Variants in CD200 observed in about 807,000 individuals in gnomAD.
CD200 encodes CD200 molecule, also known as OX-2 membrane glycoprotein.
In CD200, 15 loss-of-function variants were observed where a neutral mutation model predicts 30.9. That is an observed-to-expected ratio of 0.49 (90% confidence interval 0.32 to 0.75). CD200 has a LOEUF of 0.75. Ranked by LOEUF, CD200 falls within the 30% of genes least tolerant of loss-of-function variation. The probability of loss-of-function intolerance (pLI) is 0.03; values close to 1 mark genes in which losing one functional copy is unlikely to be tolerated. For synonymous variants in CD200, 134 were observed against 126.2 expected, an observed-to-expected ratio of 1.06 and a Z score of -0.41; for missense variants, 262 against 324.2, an observed-to-expected ratio of 0.81 and a Z score of 1.47.
intron 4 of CD200, among the ~76,000 whole-genome samples, chr3:112,348,732 C>G (rs536436721): frequency 1.3e-5 from 2 of 152,138 alleles, no homozygotes; most frequent in Admixed American, 1.3e-4. Context: ...CCCTGAAAAC[C>G]CAGACTAATC....
At chr3:112,335,119 G>A (rs1024393077) in intron 1 of CD200, among the ~76,000 whole-genome samples, 3 of 152,138 alleles carry the variant, frequency 2.0e-5, no homozygotes, top group African/African-American at 7.2e-5. Flanking sequence ...GAAATATTTG[G>A]CCTGATTTTT....
chr3:112,343,066 CTT>C (rs774447226), intron 2 of CD200, among the ~76,000 whole-genome samples: 10 of 151,808 alleles, frequency 6.6e-5, no homozygotes, highest in Non-Finnish European at 8.8e-5. Flanking sequence ...TATTATTTCT[CTT>C]TCATTGTATT....
At chr3:112,338,394 G>GT (rs922275460) in intron 1 of CD200, among the ~76,000 whole-genome samples, 2 of 152,092 alleles carry the variant, frequency 1.3e-5, no homozygotes, top group Middle Eastern at 3.4e-3. Flanking sequence ...ATTCCTTCAT[G>GT]TTTTTTTTAT....
rs1455748431 is a variant in CD200, at chr3:112,362,329, A to AT, written c.*785dup. ...TTGTTAGTCTTAGACAATAGCTCAC[A>AT]TTTTTTGAGAAGCATGCCCTCCCTG... is the stretch of plus-strand genomic sequence containing the variant. On this transcript the variant is annotated 3_prime_UTR_variant, in exon 6 of 6. Coordinates refer to ENST00000315711, the MANE Select transcript of CD200 (RefSeq NM_005944.7). 1 of 152,222 alleles carries AT rather than the reference A, an allele frequency of 6.6e-6. No individual in the cohort carries two copies. The highest frequency in any genetic ancestry group is 1.5e-5 in the Non-Finnish European group (1 of 68,040). 9.4% of individuals were successfully genotyped at this position (152,222 alleles called of 1,614,324 possible). A position where few individuals can be genotyped will look rare whatever the true frequency, so the allele number is the denominator to read the frequency against.
At chr3:112,350,172 G>T (rs150469780) in intron 5 of CD200, among the ~76,000 whole-genome samples, 24 of 152,220 alleles carry the variant, frequency 1.6e-4, no homozygotes, top group African/African-American at 5.5e-4. Context: ...CAGGCCATCT[G>T]CCCATTTAAG....
chr3:112,360,521 A>G (rs146029485), intron 5 of CD200, among the ~76,000 whole-genome samples: 1,995 of 152,272 alleles, frequency 0.013, 16 homozygotes, highest in Middle Eastern at 0.034. Context: ...TAATTTAAAA[A>G]TGAATTATGT....
At chr3:112,347,511 G>A in intron 3 of CD200, 47 bp from the exon 4 acceptor site, 2 of 1,585,094 alleles carry the variant, frequency 1.3e-6, no homozygotes, top group Non-Finnish European at 1.7e-6. Context: ...GCAGGACTCA[G>A]ACCAGGTGCT....
At chr3:112,339,534 T>C (rs544559924) in intron 1 of CD200, among the ~76,000 whole-genome samples, 11 of 152,250 alleles carry the variant, frequency 7.2e-5, no homozygotes, top group Admixed American at 2.6e-4. Flanking sequence ...GCCCCAGACA[T>C]GGGAAGTTCA....
At position 112,333,192 on chromosome 3, in the gene CD200, C is replaced by T. The variant is rs146373834; in HGVS notation, c.-21C>T. Reference sequence around the variant, plus strand: ...CGCACATCCGCAGTCAGCCACCTCGCGCGCGCCTCCAGGAGCAAGGATGGA... The same window carrying T: ...CGCACATCCGCAGTCAGCCACCTCGTGCGCGCCTCCAGGAGCAAGGATGGA... On this transcript the variant is annotated 5_prime_UTR_variant, in exon 1 of 6. Coordinates refer to ENST00000315711, the MANE Select transcript of CD200 (RefSeq NM_005944.7). 206 of 1,549,566 alleles carry T rather than the reference C, an allele frequency of 1.3e-4. No individual in the cohort carries two copies. Among genetic ancestry groups the T allele is most frequent in the Non-Finnish European group, 1.7e-4 (198 of 1,146,552 alleles).
At chr3:112,333,262 C>T (rs1038176664) in intron 1 of CD200, 38 bp downstream of exon 1, 3 of 1,543,994 alleles carry the variant, frequency 1.9e-6, no homozygotes, top group Non-Finnish European at 2.6e-6. Context: ...GGGCGCAGGG[C>T]AGGCGATGTT....
intron 4 of CD200, among the ~76,000 whole-genome samples, chr3:112,348,183 C>T (rs1335357247): frequency 6.6e-6 from 1 of 152,098 alleles, no homozygotes; most frequent in Non-Finnish European, 1.5e-5. Context: ...TTCTAGTCTA[C>T]TAGGGAATAG....
chr3:112,351,677 G>GAATGTTCAGTGGCATATTCTC (rs146396450), intron 5 of CD200, among the ~76,000 whole-genome samples: 1 of 152,084 alleles, frequency 6.6e-6, no homozygotes, highest in African/African-American at 2.4e-5. Context: ...TAATTCCTCT[G>GAATGTTCAGTGGCATATTCTC]AATGACTGGA....
intron 5 of CD200, among the ~76,000 whole-genome samples, chr3:112,353,087 G>A (rs2399422): frequency 0.26 from 40,159 of 152,020 alleles, 5,637 homozygotes; most frequent in Non-Finnish European, 0.29. Flanking sequence ...CCACCATCTC[G>A]AAATACTTCT....
At chr3:112,351,240 T>C (rs1164883605) in intron 5 of CD200, among the ~76,000 whole-genome samples, 3 of 152,242 alleles carry the variant, frequency 2.0e-5, no homozygotes, top group Non-Finnish European at 4.4e-5. Context: ...CTGTCATTAC[T>C]GATGCCCCAA....
chr3:112,333,486 C>T (rs2081043422), intron 1 of CD200: 1 of 985,248 alleles, frequency 1.0e-6, no homozygotes, highest in African/African-American at 1.7e-5. Flanking sequence ...AAAAAAGATG[C>T]ACCAGGCCGG....
chr3:112,359,241 T>A (rs2081690760), intron 5 of CD200, among the ~76,000 whole-genome samples: 1 of 149,526 alleles, frequency 6.7e-6, no homozygotes, highest in African/African-American at 2.5e-5. Context: ...ATTTAAGAGC[T>A]TTTTTTAAAA....
At chr3:112,347,531 A>C (rs1345999056) in intron 3 of CD200, 27 bp from the exon 4 acceptor site, 1 of 1,610,492 alleles carries the variant, frequency 6.2e-7, no homozygotes, top group Non-Finnish European at 8.5e-7. Context: ...TTAACTGATA[A>C]CAGATCATAT....
At chr3:112,348,849 GGAA>G (rs138001451) in intron 4 of CD200, among the ~76,000 whole-genome samples, 31,962 of 151,142 alleles carry the variant, frequency 0.21, 3,612 homozygotes, top group East Asian at 0.49. Context: ...TATATTTCCT[GGAA>G]AAACAAGAAC....
intron 5 of CD200, among the ~76,000 whole-genome samples, chr3:112,353,976 T>C (rs1343856978): frequency 6.6e-6 from 1 of 152,202 alleles, no homozygotes; most frequent in Non-Finnish European, 1.5e-5. Flanking sequence ...GGGAGAAATC[T>C]TGAATTCCAG....
Sources: gnomAD v4.1 joint callset for allele counts (sites outside exome capture counted in the v4.1 genomes callset) on GRCh38, gnomAD v4.1.1 for gene constraint, MANE v1.5 for transcripts, NCBI Gene and HGNC (gene_info 2026-07-23, HGNC 2026-07-21) for gene names.